Variants in GOLT1B observed in about 807,000 individuals in gnomAD.
GOLT1B encodes golgi transport 1B.
In GOLT1B, 3 loss-of-function variants were observed where a neutral mutation model predicts 15.4. That is an observed-to-expected ratio of 0.19 (90% CI 0.09 to 0.50). The LOEUF (loss-of-function observed/expected upper bound fraction) is 0.50, where lower values mean the gene tolerates loss of function less well. Among genes scored for constraint, GOLT1B ranks in the 20% least tolerant of loss-of-function variants. The pLI is 0.97. For missense variants in GOLT1B, 145 were observed against 160.4 expected, an observed-to-expected ratio of 0.90 and a Z score of 0.52; for synonymous variants, 65 against 56.2, an observed-to-expected ratio of 1.16 and a Z score of -0.70.
At chr12:21,507,970 T>C in intron 2 of GOLT1B, 1 of 454,312 alleles carries the variant, frequency 2.2e-6, no homozygotes, top group Non-Finnish European at 4.4e-6. Flanking sequence ...TGATGAATAT[T>C]TCAGAACCAA....
intron 2 of GOLT1B, chr12:21,507,272 G>A (rs1464122238): frequency 3.8e-6 from 1 of 262,974 alleles, no homozygotes; most frequent in Non-Finnish European, 7.3e-6. Context: ...TGACTTGATA[G>A]TTTCATGTCT....
rs148998436 is a variant in GOLT1B, at chr12:21,507,514, A to ATGTGTGTGTG, written c.117+544_117+553dup. Among the ~76,000 whole-genome samples the ATGTGTGTGTG allele has an allele frequency of 4.7e-3, 693 of 147,674 alleles. 5 individuals are homozygous for ATGTGTGTGTG. Among genetic ancestry groups the ATGTGTGTGTG allele is most frequent in the East Asian group, 0.025 (125 of 4,940 alleles). ...CCTTCTAAGGTAGTGAAGACACTGTATGTGTGTGTGTGTGTATATATATAT... is the reference window on the plus strand; with the variant it reads ...CCTTCTAAGGTAGTGAAGACACTGTATGTGTGTGTGTGTGTGTGTGTGTGTATATATATAT... On this transcript the variant is annotated intron_variant, in intron 2 of 4. Transcript: ENST00000229314.
chr12:21,506,794 G>C (rs1281757205), intron 1 of GOLT1B, 91 bp from the exon 2 acceptor site: 4 of 594,844 alleles, frequency 6.7e-6, no homozygotes, highest in African/African-American at 5.7e-5. Context: ...TTATACCTAT[G>C]AAAGGAAAAC....
At chr12:21,510,298 A>C (rs1375644158) in intron 3 of GOLT1B, among the ~76,000 whole-genome samples, 1 of 152,202 alleles carries the variant, frequency 6.6e-6, no homozygotes, top group Non-Finnish European at 1.5e-5. Context: ...AGAGTGAAGA[A>C]GAGTTTGTTT....
At chr12:21,507,804 A>G (rs757992255) in intron 2 of GOLT1B, 47 of 328,598 alleles carry the variant, frequency 1.4e-4, no homozygotes, top group Admixed American at 5.5e-4. Flanking sequence ...AATACATTCA[A>G]AATATTTGAA....
rs528911804 is a variant in GOLT1B, at chr12:21,510,318, T to C, written c.296+1757T>C. Reference sequence around the variant, plus strand: ...GAAGAAGAGTTTGTTTTGGCAGATGTATCTTGCAGCAGAAAACTTAAGCAC... The same window carrying C: ...GAAGAAGAGTTTGTTTTGGCAGATGCATCTTGCAGCAGAAAACTTAAGCAC... On this transcript the variant is annotated intron_variant, in intron 3 of 4. Transcript: ENST00000229314. 3.3e-5 allele frequency among the ~76,000 whole-genome samples: 5 copies of C among 152,302 alleles called. No individual in the cohort carries two copies. In the East Asian group the frequency reaches 9.6e-4, roughly 29 times the overall value.
intron 3 of GOLT1B, among the ~76,000 whole-genome samples, chr12:21,510,326 A>G (rs1943710662): frequency 1.3e-5 from 2 of 152,256 alleles, no homozygotes; most frequent in South Asian, 4.1e-4. Flanking sequence ...TGTATCTTGC[A>G]GCAGAAAACT....
rs1943765257 is a variant in GOLT1B, at chr12:21,517,569, A to G, written c.*1862A>G. 6.6e-6 allele frequency: 1 copy of G among 152,078 alleles called. No homozygotes were observed. The highest frequency in any genetic ancestry group is 1.5e-5 in the Non-Finnish European group (1 of 67,908). The allele number at this position is 152,078 out of a possible 1,614,324, so 9.4% of individuals were successfully genotyped here. On this transcript the variant is annotated 3_prime_UTR_variant, in exon 5 of 5. Coordinates refer to ENST00000229314, the MANE Select transcript of GOLT1B (RefSeq NM_016072.5). Reference sequence around the variant, plus strand: ...AATAGTATCTGCTAATGTAAGGGACATCTGTATTTAACTCCTTTGTAGACA... The same window carrying G: ...AATAGTATCTGCTAATGTAAGGGACGTCTGTATTTAACTCCTTTGTAGACA...
chr12:21,508,100 A>G, intron 2 of GOLT1B: 2 of 406,982 alleles, frequency 4.9e-6, no homozygotes, highest in South Asian at 2.2e-5. Flanking sequence ...GCAGACACAG[A>G]TGCCCCTTGG....
At chr12:21,512,781 A>G (rs1025021432) in intron 4 of GOLT1B, among the ~76,000 whole-genome samples, 7 of 152,158 alleles carry the variant, frequency 4.6e-5, no homozygotes, top group African/African-American at 1.7e-4. Flanking sequence ...AGATTCAGAC[A>G]ATTAAATAAG....
At chr12:21,508,889 G>GTAGATAGATAGATAGATAGA (rs60378515) in intron 3 of GOLT1B, among the ~76,000 whole-genome samples, 1 of 65,292 alleles carries the variant, frequency 1.5e-5, no homozygotes, top group Non-Finnish European at 4.3e-5. Flanking sequence ...AGGTAGGTAG[G>GTAGATAGATAGATAGATAGA]TAGATAGATA....
At chr12:21,504,608 C>T (rs754711667) in intron 1 of GOLT1B, 2 of 505,500 alleles carry the variant, frequency 4.0e-6, no homozygotes, top group South Asian at 1.4e-5. Context: ...ACCACCAGCA[C>T]CCACACACAC....
At chr12:21,509,336 T>C (rs535220200) in intron 3 of GOLT1B, among the ~76,000 whole-genome samples, 2 of 128,286 alleles carry the variant, frequency 1.6e-5, no homozygotes, top group South Asian at 4.7e-4. Context: ...GAGGCGGAAG[T>C]TGCAGTGAGC....
intron 1 of GOLT1B, among the ~76,000 whole-genome samples, chr12:21,505,098 A>G (rs1184572818): frequency 1.3e-5 from 2 of 152,210 alleles, no homozygotes; most frequent in Non-Finnish European, 2.9e-5. Context: ...CTTTAAAAAG[A>G]TGTAATTATA....
chr12:21,504,201 GT>G (rs1418790990), intron 1 of GOLT1B, among the ~76,000 whole-genome samples: 4 of 152,002 alleles, frequency 2.6e-5, no homozygotes, highest in African/African-American at 9.7e-5. Context: ...TTTTTAACTT[GT>G]GGACAGTTTT....
In GOLT1B at chr12:21,501,876, C is replaced by T; in HGVS notation, c.-48C>T. On this transcript the variant is annotated 5_prime_UTR_variant, in exon 1 of 5. Transcript: ENST00000229314. ...TCATTTCTCCCGACTCAGCTTCCCA[C>T]CCTGGGCTTTCCGAGGTGCTGTCGC... is the stretch of plus-strand genomic sequence containing the variant. 1.4e-6 allele frequency: 2 copies of T among 1,426,032 alleles called. No homozygotes were observed. The highest frequency in any genetic ancestry group is 2.0e-6 in the Non-Finnish European group (2 of 1,008,764). The allele number at this position is 1,426,032 out of a possible 1,614,324, so 88.3% of individuals were successfully genotyped here. A position where few individuals can be genotyped will look rare whatever the true frequency, so the allele number is the denominator to read the frequency against.
intron 3 of GOLT1B, among the ~76,000 whole-genome samples, chr12:21,509,231 T>C (rs948805670): frequency 6.6e-6 from 1 of 151,680 alleles, no homozygotes; most frequent in African/African-American, 2.4e-5. Flanking sequence ...AAACCCCGTC[T>C]CTACTAAAAA....
chr12:21,505,452 A>G (rs1329011924), intron 1 of GOLT1B, among the ~76,000 whole-genome samples: 3 of 152,160 alleles, frequency 2.0e-5, no homozygotes, highest in African/African-American at 7.2e-5. Context: ...TGATCATGAA[A>G]GTATCAGCCT....
At chr12:21,507,424 G>A (rs1027900909) in intron 2 of GOLT1B, 2 of 209,666 alleles carry the variant, frequency 9.5e-6, no homozygotes, top group Non-Finnish European at 1.9e-5. Flanking sequence ...GATCTATGTT[G>A]TTTATTTGGA....
Sources: gnomAD v4.1 joint callset for allele counts (sites outside exome capture counted in the v4.1 genomes callset) on GRCh38, gnomAD v4.1.1 for gene constraint, MANE v1.5 for transcripts, NCBI Gene and HGNC (gene_info 2026-07-23, HGNC 2026-07-21) for gene names.